GABRA1: variants seen among roughly 807,000 people sequenced by gnomAD.
GABRA1 encodes the protein gamma-aminobutyric acid type A receptor subunit alpha1.
A neutral mutation model predicts 48.9 loss-of-function variants in GABRA1; 9 were observed. That is an observed-to-expected ratio of 0.18 (90% CI 0.11 to 0.32). The LOEUF (loss-of-function observed/expected upper bound fraction) is 0.32. GABRA1 is among the 10% of genes least tolerant of loss of function. The probability of loss-of-function intolerance (pLI) is 1.00; values close to 1 mark genes in which losing one functional copy is unlikely to be tolerated. For synonymous variants in GABRA1, 210 were observed against 198.7 expected, an observed-to-expected ratio of 1.06 and a Z score of -0.48; for missense variants, 285 against 553.8, an observed-to-expected ratio of 0.51 and a Z score of 4.87.
intron 3 of GABRA1, among the ~76,000 whole-genome samples, chr5:161,856,072 C>G (rs1757632314): frequency 6.6e-6 from 1 of 151,176 alleles, no homozygotes; most frequent in Non-Finnish European, 1.5e-5. Flanking sequence ...TAGAATAACT[C>G]TTTAATAAAT....
In GABRA1 at chr5:161,895,878, T is replaced by C; in HGVS notation, c.1059+10T>C. The C allele has an allele frequency of 6.2e-7, 1 of 1,606,656 alleles. No homozygotes were observed. The highest frequency in any genetic ancestry group is 8.5e-7 in the Non-Finnish European group (1 of 1,173,236). ...TGTGGTTCCAGAAAAGGTAAATGCT[T>C]TAATGGTCACTGTAGTACATCAATA... On this transcript the variant is annotated intron_variant, in intron 9 of 9. Coordinates refer to ENST00000393943, the MANE Select transcript of GABRA1 (RefSeq NM_001127644.2).
chr5:161,856,761 CATTTTAA>C (rs376691737), intron 3 of GABRA1, among the ~76,000 whole-genome samples: 14 of 151,032 alleles, frequency 9.3e-5, no homozygotes, highest in African/African-American at 3.1e-4. Context: ...GAGTCATCAA[CATTTTAA>C]AGTACATTTT....
intron 6 of GABRA1, among the ~76,000 whole-genome samples, chr5:161,878,930 C>A (rs532091618): frequency 1.3e-5 from 2 of 152,030 alleles, no homozygotes; most frequent in Non-Finnish European, 2.9e-5. Context: ...GAACAATGTA[C>A]GACTTTAGAA....
chr5:161,896,196 C>G (rs1299981205), intron 9 of GABRA1, among the ~76,000 whole-genome samples: 1 of 152,018 alleles, frequency 6.6e-6, no homozygotes, highest in Admixed American at 6.6e-5. Flanking sequence ...TAGTCAAATC[C>G]TTTATTTACC....
chr5:161,898,750 T>A lies in GABRA1; in HGVS notation c.*1328T>A, dbSNP rs1755486319. On this transcript the variant is annotated 3_prime_UTR_variant, in exon 10 of 10. Transcript: ENST00000393943. ...TAGAAAGAAAATGGGAAGCATTAGTTGGAGCTAGAAAATGAACTGTATATT... is the reference window on the plus strand; with the variant it reads ...TAGAAAGAAAATGGGAAGCATTAGTAGGAGCTAGAAAATGAACTGTATATT... 1 of 152,576 alleles carries A rather than the reference T, an allele frequency of 6.6e-6. No individual in the cohort carries two copies. The highest frequency in any genetic ancestry group is 2.4e-5 in the African/African-American group (1 of 41,442). 9.5% of individuals were successfully genotyped at this position (152,576 alleles called of 1,614,324 possible).
intron 7 of GABRA1, among the ~76,000 whole-genome samples, chr5:161,883,699 T>C: frequency 6.6e-6 from 1 of 152,064 alleles, no homozygotes; most frequent in East Asian, 1.9e-4. Context: ...GGAGTGGTGA[T>C]AAAAAAAACT....
intron 7 of GABRA1, among the ~76,000 whole-genome samples, chr5:161,889,629 C>T (rs1755000157): frequency 6.6e-6 from 1 of 151,938 alleles, no homozygotes; most frequent in Non-Finnish European, 1.5e-5. Context: ...CAAGAGAATT[C>T]AGTGCATATT....
At chr5:161,858,377 C>T (rs2113325056) in intron 3 of GABRA1, among the ~76,000 whole-genome samples, 2 of 151,728 alleles carry the variant, frequency 1.3e-5, no homozygotes, top group Middle Eastern at 6.8e-3. Flanking sequence ...CAAAAATAAT[C>T]CATAAACAGA....
At chr5:161,871,159 T>C (rs1754104258) in intron 4 of GABRA1, among the ~76,000 whole-genome samples, 1 of 152,142 alleles carries the variant, frequency 6.6e-6, no homozygotes, top group East Asian at 1.9e-4. Flanking sequence ...TTGGGATACA[T>C]CTTGTCAAAG....
chr5:161,847,816 T>C (rs1757269202), upstream of GABRA1: 1 of 152,194 alleles, frequency 6.6e-6, no homozygotes, highest in Non-Finnish European at 1.5e-5. Flanking sequence ...TAGTTGTATT[T>C]TTAATGGGCT....
intron 6 of GABRA1, chr5:161,881,825 G>C (rs1754624980): frequency 6.6e-6 from 1 of 152,032 alleles, no homozygotes; most frequent in Admixed American, 6.6e-5. Context: ...GAACCCGGGA[G>C]GCGGAAATTG....
intron 7 of GABRA1, among the ~76,000 whole-genome samples, chr5:161,885,594 C>G (rs147724114): frequency 6.6e-6 from 1 of 152,252 alleles, no homozygotes; most frequent in African/African-American, 2.4e-5. Context: ...TAAATCACTT[C>G]ATTAACATAA....
intron 6 of GABRA1, 127 bp from the exon 7 acceptor site, chr5:161,882,431 G>T (rs926768618): frequency 3.4e-6 from 3 of 877,440 alleles, no homozygotes; most frequent in Admixed American, 4.2e-5. Flanking sequence ...AGGGACATAA[G>T]CTCATCTTTC....
intron 5 of GABRA1, among the ~76,000 whole-genome samples, chr5:161,875,175 C>A (rs1375530290): frequency 6.6e-6 from 1 of 152,128 alleles, no homozygotes; most frequent in Non-Finnish European, 1.5e-5. Context: ...TCTTCTCTTC[C>A]ATGCTATCCA....
Position 161,890,883 on chromosome 5 carries a change from T to C in GABRA1, c.704-15T>C, listed in dbSNP as rs200148858. ...AGTCAAATTGCTCATCTTTCTTGTG[T>C]GTTTTACTTCTCAGGAGAATATGTT... On this transcript the variant is annotated splice_polypyrimidine_tract_variant and intron_variant, in intron 7 of 9. Transcript: ENST00000393943. 1 of 1,612,382 alleles carries C rather than the reference T, an allele frequency of 6.2e-7. No individual in the cohort carries two copies. The highest frequency in any genetic ancestry group is 1.3e-5 in the African/African-American group (1 of 75,016).
chr5:161,871,851 C>A (rs1754135285), intron 4 of GABRA1, among the ~76,000 whole-genome samples: 1 of 152,102 alleles, frequency 6.6e-6, no homozygotes, highest in South Asian at 2.1e-4. Flanking sequence ...ATATCTGGTG[C>A]ATTATAATAC....
rs138238502 is a variant in GABRA1, at chr5:161,860,121, A to G, written c.188-5600A>G. Among the ~76,000 whole-genome samples, 504 of 152,014 alleles carry G rather than the reference A, an allele frequency of 3.3e-3. 2 individuals carry two copies. The highest frequency in any genetic ancestry group is 5.8e-3 in the Non-Finnish European group (392 of 67,850). On this transcript the variant is annotated intron_variant, in intron 3 of 9. Coordinates refer to ENST00000393943, the MANE Select transcript of GABRA1 (RefSeq NM_001127644.2). ...TACCAAAACCCCAAGAAGAATTGTT[A>G]AAATGAACAGAGAATACCTTTTAAC...
intron 6 of GABRA1, among the ~76,000 whole-genome samples, chr5:161,878,943 C>T (rs1754487431): frequency 6.6e-6 from 1 of 152,106 alleles, no homozygotes; most frequent in African/African-American, 2.4e-5. Flanking sequence ...CTTTAGAAAT[C>T]ATTTTGTTCA....
At chr5:161,873,478 AC>A in intron 5 of GABRA1, 141 bp downstream of exon 5, 1 of 742,262 alleles carries the variant, frequency 1.3e-6, no homozygotes, top group South Asian at 1.5e-5. Flanking sequence ...AATCTCTCCA[AC>A]CTGTTCTAAT....
Sources: gnomAD v4.1 joint callset for allele counts (sites outside exome capture counted in the v4.1 genomes callset) on GRCh38, gnomAD v4.1.1 for gene constraint, MANE v1.5 for transcripts, NCBI Gene and HGNC (gene_info 2026-07-23, HGNC 2026-07-21) for gene names.